The following SEMA3A variants were observed in gnomAD, a reference collection of about 807,000 sequenced individuals.
The protein encoded by SEMA3A is semaphorin-3A.
SEMA3A carries 29 observed loss-of-function variants against 97.9 expected under a neutral mutation model. The ratio of observed to expected loss-of-function variants is 0.30; its 90% CI spans 0.22 to 0.40. The LOEUF (loss-of-function observed/expected upper bound fraction) is 0.40. Ranked by LOEUF, SEMA3A falls within the 10% of genes least tolerant of loss-of-function variation. The pLI is 1.00. For missense variants in SEMA3A, 763 were observed against 951.3 expected (o/e 0.80, Z 2.60); for synonymous variants, 321 against 323.7 (o/e 0.99, Z 0.09).
At chr7:84,067,090 G>C (rs1051464990) in intron 4 of SEMA3A, among the ~76,000 whole-genome samples, 6 of 152,084 alleles carry the variant, frequency 3.9e-5, no homozygotes, top group Admixed American at 3.3e-4. Flanking sequence ...ATCAACGGAA[G>C]AGAACAGAGC....
chr7:84,216,668 A>T (rs1798762660), intron 3 of SEMA3A, among the ~76,000 whole-genome samples: 1 of 152,164 alleles, frequency 6.6e-6, no homozygotes, highest in African/African-American at 2.4e-5. Flanking sequence ...AATGATACAC[A>T]TAATGACATG....
rs71558718 is a variant in SEMA3A, at chr7:84,203,502, G to A, written c.-82-8834C>T. 9.4e-3 allele frequency among the ~76,000 whole-genome samples: 533 copies of A among 56,884 alleles called. 2 individuals carry two copies. Among genetic ancestry groups the A allele is most frequent in the Middle Eastern group, 0.017 (1 of 60 alleles). The allele number at this position is 56,884 out of a possible 152,430, so 37.3% of individuals were successfully genotyped here. A position where few individuals can be genotyped will look rare whatever the true frequency, so the allele number is the denominator to read the frequency against. On this transcript the variant is annotated intron_variant, in intron 3 of 3. Coordinates refer to the SEMA3A transcript ENST00000424555. The stretch of plus-strand genomic sequence containing the variant: ...GTAGAAAGTATTTCTTTGTGTGTGT[G>A]TATATATATATATATATATATATAT...
At chr7:84,208,207 C>A (rs543285876) in intron 3 of SEMA3A, among the ~76,000 whole-genome samples, 1 of 152,128 alleles carries the variant, frequency 6.6e-6, no homozygotes, top group South Asian at 2.1e-4. Context: ...AATCTCAGCA[C>A]TTTGGGAGGC....
chr7:83,980,623 A>ATATATATATATATAT (rs1554383377), intron 14 of SEMA3A, among the ~76,000 whole-genome samples: 1 of 71,758 alleles, frequency 1.4e-5, no homozygotes, highest in African/African-American at 8.3e-5. Flanking sequence ...AAAAAAAAAA[A>ATATATATATATATAT]ATATATATAT....
chr7:84,459,264 G>A (rs1215448886), intron 1 of SEMA3A, among the ~76,000 whole-genome samples: 2 of 152,072 alleles, frequency 1.3e-5, no homozygotes, highest in African/African-American at 4.8e-5. Context: ...CTTTCTTAAA[G>A]TTTGAAAAGG....
chr7:84,423,660 A>T (rs1242435233), intron 1 of SEMA3A, among the ~76,000 whole-genome samples: 4 of 152,016 alleles, frequency 2.6e-5, no homozygotes, highest in African/African-American at 9.7e-5. Context: ...TTGTTTCCCC[A>T]AATGAATATA....
chr7:84,066,620 A>G (rs1793511770), intron 4 of SEMA3A, among the ~76,000 whole-genome samples: 2 of 148,644 alleles, frequency 1.3e-5, no homozygotes, highest in African/African-American at 5.1e-5. Context: ...ATTCTTATAC[A>G]TCATCAACAG....
chr7:84,341,782 C>T (rs1196982989), intron 2 of SEMA3A, among the ~76,000 whole-genome samples: 2 of 152,072 alleles, frequency 1.3e-5, no homozygotes, highest in Admixed American at 1.3e-4. Context: ...GCTAGAAATC[C>T]GGTCGTGTTA....
At chr7:84,369,360 T>A (rs62472627) in intron 2 of SEMA3A, among the ~76,000 whole-genome samples, 1 of 151,018 alleles carries the variant, frequency 6.6e-6, no homozygotes, top group Admixed American at 6.6e-5. Context: ...AAAGTGACTT[T>A]TGGAATTCAA....
chr7:84,240,994 C>A (rs1485475057), intron 3 of SEMA3A, among the ~76,000 whole-genome samples: 1 of 152,138 alleles, frequency 6.6e-6, no homozygotes, highest in Non-Finnish European at 1.5e-5. Context: ...TTTTCTTTAT[C>A]CAGTCTATCG....
In SEMA3A at chr7:84,406,582, C is replaced by G. The variant is rs550632278; in HGVS notation, c.-245-34682G>C. 5.9e-4 allele frequency among the ~76,000 whole-genome samples: 89 copies of G among 150,774 alleles called. 1 individual carries two copies. The South Asian group carries it at 0.018, about 31-fold the overall frequency. On this transcript the variant is annotated intron_variant, in intron 1 of 3. Coordinates refer to the SEMA3A transcript ENST00000424555. ...ACATCATCCTGATACCAAAGCCTGG[C>G]AGAGACACAACAAAAAAAAAGAGAA...
intron 1 of SEMA3A, among the ~76,000 whole-genome samples, chr7:84,441,109 G>T (rs1479599973): frequency 3.9e-5 from 6 of 151,926 alleles, no homozygotes; most frequent in Admixed American, 1.3e-4. Context: ...GGTGAGCCGA[G>T]ATTGCACTAT....
chr7:84,479,121 T>A (rs1218408266), intron 1 of SEMA3A, among the ~76,000 whole-genome samples: 1 of 152,174 alleles, frequency 6.6e-6, no homozygotes, highest in Non-Finnish European at 1.5e-5. Context: ...CACAGAATAA[T>A]AAAGACATTC....
At chr7:84,018,230 C>T (rs548586041) in intron 6 of SEMA3A, among the ~76,000 whole-genome samples, 1 of 152,274 alleles carries the variant, frequency 6.6e-6, no homozygotes, top group South Asian at 2.1e-4. Context: ...CTCCGAATTT[C>T]TCTTCCTTTC....
chr7:84,393,422 T>A (rs909093234), intron 1 of SEMA3A, among the ~76,000 whole-genome samples: 1 of 152,130 alleles, frequency 6.6e-6, no homozygotes, highest in Non-Finnish European at 1.5e-5. Context: ...GCCGGAGGCA[T>A]CACACTACCT....
At chr7:84,260,838 G>A (rs1041448645) in intron 3 of SEMA3A, among the ~76,000 whole-genome samples, 1 of 152,172 alleles carries the variant, frequency 6.6e-6, no homozygotes, top group African/African-American at 2.4e-5. Context: ...AGGCTTAGGG[G>A]CAGAAAGGGG....
chr7:84,207,867 T>A (rs1798527156), intron 3 of SEMA3A, among the ~76,000 whole-genome samples: 1 of 152,118 alleles, frequency 6.6e-6, no homozygotes, highest in Non-Finnish European at 1.5e-5. Context: ...AGGCTGTGTG[T>A]GGAATGAGGA....
At chr7:84,206,621 C>A (rs956290095) in intron 3 of SEMA3A, among the ~76,000 whole-genome samples, 1 of 151,882 alleles carries the variant, frequency 6.6e-6, no homozygotes, top group African/African-American at 2.4e-5. Flanking sequence ...CGCGTCCGGC[C>A]TTCCAAGATG....
At chr7:84,017,200 A>G (rs1178810847) in intron 6 of SEMA3A, among the ~76,000 whole-genome samples, 1 of 152,240 alleles carries the variant, frequency 6.6e-6, no homozygotes, top group Non-Finnish European at 1.5e-5. Context: ...GTGTTTGGGC[A>G]TGAGTGAAGG....
Sources: allele counts gnomAD v4.1 joint callset (sites outside exome capture counted in the v4.1 genomes callset), GRCh38; gene constraint gnomAD v4.1.1; transcripts MANE v1.5; gene names NCBI Gene and HGNC (gene_info 2026-07-23, HGNC 2026-07-21).